The following MAML1 variants were observed in gnomAD, a reference collection of about 807,000 sequenced individuals.
MAML1 encodes mastermind like transcriptional coactivator 1, also known as mastermind-like protein 1.
MAML1 carries 14 observed loss-of-function variants against 77.1 expected under a neutral mutation model. The ratio of observed to expected loss-of-function variants is 0.18; its 90% CI spans 0.12 to 0.28. MAML1 has a LOEUF of 0.28. Ranked by LOEUF, MAML1 falls within the 10% of genes least tolerant of loss-of-function variation. The pLI is 1.00. For missense variants in MAML1, 1,217 were observed against 1,327.8 expected, an observed-to-expected ratio of 0.92 and a Z score of 1.30; for synonymous variants, 516 against 551.9, an observed-to-expected ratio of 0.93 and a Z score of 0.91.
At chr5:179,743,980 C>T (rs991550728) in intron 1 of MAML1, among the ~76,000 whole-genome samples, 1 of 151,994 alleles carries the variant, frequency 6.6e-6, no homozygotes, top group African/African-American at 2.4e-5. Flanking sequence ...CAGTGGAATC[C>T]GAATATCTTA....
At chr5:179,750,629 T>G (rs930994191) in intron 1 of MAML1, among the ~76,000 whole-genome samples, 3 of 151,994 alleles carry the variant, frequency 2.0e-5, no homozygotes, top group Non-Finnish European at 4.4e-5. Flanking sequence ...TCCGGCTAAT[T>G]ATTGTATTTT....
intron 1 of MAML1, among the ~76,000 whole-genome samples, chr5:179,751,246 T>C (rs1005603993): frequency 6.6e-6 from 1 of 152,166 alleles, no homozygotes; most frequent in African/African-American, 2.4e-5. Context: ...GTGCTGGGAT[T>C]ACAGGCGTGA....
intron 1 of MAML1, among the ~76,000 whole-genome samples, chr5:179,759,020 T>C (rs1269688293): frequency 6.6e-6 from 1 of 151,932 alleles, no homozygotes; most frequent in African/African-American, 2.4e-5. Flanking sequence ...ATTACAAAGA[T>C]TGTTTGTGGC....
intron 1 of MAML1, among the ~76,000 whole-genome samples, chr5:179,754,002 G>C (rs113404843): frequency 0.021 from 3,185 of 151,928 alleles, 135 homozygotes; most frequent in African/African-American, 0.073. Flanking sequence ...TGTAAAATTG[G>C]GCTGGGCACA....
rs1299381115 is a variant in MAML1 at position 179,732,850 on chromosome 5, C to T, written c.-263C>T. On this transcript the variant is annotated 5_prime_UTR_variant, in exon 1 of 5. Coordinates refer to ENST00000292599, the MANE Select transcript of MAML1 (RefSeq NM_014757.5). Reference sequence around the variant, plus strand: ...AGGCCCGAAAACAATTTTAAGATGGCGGCCGCGGCGGTAGCGCGGAAAACA... The same window carrying T: ...AGGCCCGAAAACAATTTTAAGATGGTGGCCGCGGCGGTAGCGCGGAAAACA... The T allele has an allele frequency of 8.7e-6, 2 of 230,530 alleles. No homozygotes were observed. The highest frequency in any genetic ancestry group is 1.7e-5 in the Non-Finnish European group (2 of 119,748). The allele number at this position is 230,530 out of a possible 1,614,324, so 14.3% of individuals were successfully genotyped here.
Position 179,761,365 on chromosome 5 carries a change from C to T in MAML1, c.316-3961C>T, listed in dbSNP as rs542166320. 1.7e-3 allele frequency among the ~76,000 whole-genome samples: 253 copies of T among 152,030 alleles called. 1 individual carries two copies. The highest frequency in any genetic ancestry group is 5.7e-3 in the African/African-American group (238 of 41,438). Reference sequence around the variant, plus strand: ...GCCTTGATCATCACCCATTGTACTCCAGCATGGGTGACAGAGTGAGACCCT... The same window carrying T: ...GCCTTGATCATCACCCATTGTACTCTAGCATGGGTGACAGAGTGAGACCCT... On this transcript the variant is annotated intron_variant, in intron 1 of 4. Coordinates refer to ENST00000292599, the MANE Select transcript of MAML1 (RefSeq NM_014757.5).
At chr5:179,761,567 C>T (rs915786750) in intron 1 of MAML1, among the ~76,000 whole-genome samples, 7 of 152,058 alleles carry the variant, frequency 4.6e-5, no homozygotes, top group East Asian at 3.9e-4. Flanking sequence ...TGGTGGTGCA[C>T]GCCTGTAATC....
intron 3 of MAML1, chr5:179,770,940 G>C: frequency 2.0e-6 from 1 of 498,300 alleles, no homozygotes; most frequent in East Asian, 3.6e-5. Context: ...TTAAAAACAG[G>C]TATACCTACC....
rs1779829454 is a variant in MAML1 at position 179,766,830 on chromosome 5, A to G, written c.1731+89A>G. ...TTTGGATGTTAATTGGATCCGAGGT[A>G]GTTGTGGGAAGAGGGAGGAGGGAAT... On this transcript the variant is annotated intron_variant, in intron 2 of 4. Coordinates refer to ENST00000292599, the MANE Select transcript of MAML1 (RefSeq NM_014757.5). The surrounding 1 kb of genome is among the most constrained non-coding windows in gnomAD (Gnocchi z 4.0). 9.0e-7 allele frequency: 1 copy of G among 1,106,394 alleles called. No individual in the cohort carries two copies. The highest frequency in any genetic ancestry group is 3.2e-5 in the Admixed American group (1 of 31,278). The allele number at this position is 1,106,394 out of a possible 1,614,324, so 68.5% of individuals were successfully genotyped here. A position where few individuals can be genotyped will look rare whatever the true frequency, so the allele number is the denominator to read the frequency against.
chr5:179,733,188 C>T lies in MAML1; in HGVS notation c.76C>T (p.Arg26Cys), dbSNP rs1429214371. ...CGCGGTCATGGAGCGCCTTCGCCGG[C>T]GCATCGAGCTGTGCCGGCGCCACCA... ...HSAVMERLRR[R>C]IELCRRHHST... The change falls in exon 1 of 5, where the codon CGC becomes TGC. Residue 26 changes from arginine (R) to cysteine (C), a missense_variant. Arg to Cys is a radical substitution (Grantham distance 180, BLOSUM62 -3). Coordinates refer to ENST00000292599, the MANE Select transcript of MAML1 (RefSeq NM_014757.5). The T allele has an allele frequency of 6.8e-7, 1 of 1,473,766 alleles. No individual in the cohort carries two copies. The highest frequency in any genetic ancestry group is 2.2e-5 in the Admixed American group (1 of 44,968). 91.3% of individuals were successfully genotyped at this position (1,473,766 alleles called of 1,614,324 possible).
intron 1 of MAML1, among the ~76,000 whole-genome samples, chr5:179,755,200 T>TA (rs1233572900): frequency 1.3e-5 from 2 of 152,212 alleles, no homozygotes; most frequent in Non-Finnish European, 2.9e-5. Flanking sequence ...GAACAGCACT[T>TA]AGCCTGTAGG....
chr5:179,756,972 C>T (rs533616153), intron 1 of MAML1, among the ~76,000 whole-genome samples: 8 of 152,126 alleles, frequency 5.3e-5, no homozygotes, highest in Admixed American at 3.3e-4. Flanking sequence ...GGATTACAGG[C>T]GTGCGCCACC....
rs1054446457 is a variant in MAML1, at chr5:179,772,885, A to G, written c.2069-1010A>G. On this transcript the variant is annotated intron_variant, in intron 4 of 4. Transcript: ENST00000292599. Reference sequence around the variant, plus strand: ...AGTCCAGCCACTCTTGGGCTTTACAACCCTGTTCTTTGTTTGTTTGTTTGA... The same window carrying G: ...AGTCCAGCCACTCTTGGGCTTTACAGCCCTGTTCTTTGTTTGTTTGTTTGA... Among the ~76,000 whole-genome samples the G allele has an allele frequency of 3.3e-5, 5 of 151,718 alleles. No individual in the cohort carries two copies. The South Asian group carries it at 6.3e-4, about 19-fold the overall frequency.
chr5:179,753,423 A>G (rs1248211949), intron 1 of MAML1, among the ~76,000 whole-genome samples: 1 of 152,076 alleles, frequency 6.6e-6, no homozygotes, highest in Non-Finnish European at 1.5e-5. Flanking sequence ...GAATTGCTGC[A>G]CTTAACTCCC....
At chr5:179,754,752 C>G (rs908807493) in intron 1 of MAML1, among the ~76,000 whole-genome samples, 10 of 152,278 alleles carry the variant, frequency 6.6e-5, no homozygotes, top group Non-Finnish European at 1.3e-4. Flanking sequence ...GGGGTAGTGC[C>G]TGGGAATTTG....
intron 1 of MAML1, 74 bp downstream of exon 1, chr5:179,733,501 C>T (rs1779110300): frequency 9.6e-7 from 1 of 1,043,610 alleles, no homozygotes; most frequent in Non-Finnish European, 1.2e-6. Context: ...TGACGCGGAT[C>T]GGGCCGCTGG....
chr5:179,733,107 C>A lies in MAML1; in HGVS notation c.-6C>A. The A allele has an allele frequency of 7.2e-7, 1 of 1,387,152 alleles. No homozygotes were observed. The highest frequency in any genetic ancestry group is 9.3e-7 in the Non-Finnish European group (1 of 1,071,860). 85.9% of individuals were successfully genotyped at this position (1,387,152 alleles called of 1,614,324 possible). Reference sequence around the variant, plus strand: ...CCCCGGGCCCGGCCCGTGCAGCCCGCGGCCCATGGTGCTGCCCACCTGCCC... The same window carrying A: ...CCCCGGGCCCGGCCCGTGCAGCCCGAGGCCCATGGTGCTGCCCACCTGCCC... On this transcript the variant is annotated 5_prime_UTR_variant, in exon 1 of 5. Coordinates refer to ENST00000292599, the MANE Select transcript of MAML1 (RefSeq NM_014757.5).
chr5:179,734,749 C>T (rs1309870017), intron 1 of MAML1, among the ~76,000 whole-genome samples: 1 of 152,056 alleles, frequency 6.6e-6, no homozygotes, highest in African/African-American at 2.4e-5. Context: ...TCAATCCTCC[C>T]GCCTCAGCCT....
chr5:179,764,047 G>A (rs2113372307), intron 1 of MAML1, among the ~76,000 whole-genome samples: 1 of 152,226 alleles, frequency 6.6e-6, no homozygotes, highest in South Asian at 2.1e-4. Context: ...TGAGGAAGCA[G>A]TAGAAGGAGT....
Sources: allele counts gnomAD v4.1 joint callset (sites outside exome capture counted in the v4.1 genomes callset), GRCh38; gene constraint gnomAD v4.1.1; non-coding constraint Gnocchi (gnomAD v3.1); transcripts MANE v1.5; gene names NCBI Gene and HGNC (gene_info 2026-07-23, HGNC 2026-07-21).